DNAJC1: variants seen among roughly 807,000 people sequenced by gnomAD.
DNAJC1 encodes dnaJ homolog subfamily C member 1.
In DNAJC1, 58 loss-of-function variants were observed where a neutral mutation model predicts 76.6. That is an observed-to-expected ratio of 0.76 (90% CI 0.61 to 0.94). DNAJC1 has a LOEUF of 0.94. Among genes scored for constraint, DNAJC1 ranks in the 40% least tolerant of loss-of-function variants. The pLI is 0.00. For missense variants in DNAJC1, 689 were observed against 677.3 expected (o/e 1.02, Z -0.19); for synonymous variants, 258 against 267.9 (o/e 0.96, Z 0.36).
At chr10:21,768,687 T>C (rs894002875) in intron 9 of DNAJC1, among the ~76,000 whole-genome samples, 1 of 152,248 alleles carries the variant, frequency 6.6e-6, no homozygotes, top group Non-Finnish European at 1.5e-5. Flanking sequence ...TCTCTACAGA[T>C]GACCTTGCTT....
intron 1 of DNAJC1, among the ~76,000 whole-genome samples, chr10:21,968,712 G>A (rs765044736): frequency 1.3e-5 from 2 of 151,792 alleles, no homozygotes; most frequent in South Asian, 2.1e-4. Flanking sequence ...GGGTTTCACC[G>A]TGTTAGCCAG....
Position 21,759,403 on chromosome 10 carries a change from C to A in DNAJC1, c.1363G>T (p.Ala455Ser), listed in dbSNP as rs1834214646. The change falls in exon 11 of 12, where the codon GCG becomes TCG. Residue 455 changes from alanine to serine, a missense_variant. Transcript: ENST00000376980. Reference protein sequence around the residue: ...RKPARLLEATAKPEPEEKSRA... With the variant: ...RKPARLLEATSKPEPEEKSRA... ...GACTTCTCCTCTGGCTCCGGCTTCG[C>A]TGTAGCCTCCAGCAGCCTGGCTGGC... The A allele has an allele frequency of 6.2e-7, 1 of 1,614,178 alleles. No homozygotes were observed. Among genetic ancestry groups the A allele is most frequent in the African/African-American group, 1.3e-5 (1 of 75,080 alleles).
chr10:21,781,186 A>C (rs1461778092), intron 9 of DNAJC1, among the ~76,000 whole-genome samples: 2 of 152,296 alleles, frequency 1.3e-5, no homozygotes, highest in Non-Finnish European at 2.9e-5. Context: ...GACAGATCAA[A>C]GAGACAGAAA....
intron 8 of DNAJC1, among the ~76,000 whole-genome samples, chr10:21,841,594 C>T (rs1354383198): frequency 6.6e-6 from 1 of 152,146 alleles, no homozygotes; most frequent in East Asian, 1.9e-4. Flanking sequence ...ATTAAAAAGT[C>T]AGGAAACAAC....
chr10:21,840,405 C>A (rs1835556014), intron 8 of DNAJC1, among the ~76,000 whole-genome samples: 1 of 152,148 alleles, frequency 6.6e-6, no homozygotes, highest in Admixed American at 6.5e-5. Flanking sequence ...TCAGCAAAGT[C>A]TCAGGATACA....
rs372537684 is a variant in DNAJC1 at position 21,782,225 on chromosome 10, G to C, written c.1099-15916C>G. Among the ~76,000 whole-genome samples the C allele has an allele frequency of 3.3e-5, 5 of 152,228 alleles. No homozygotes were observed. In the South Asian group the frequency reaches 6.2e-4, roughly 19 times the overall value. ...AAAGGGGATATCACCACTGATCCCAGAGAAATACTAACTACCATCAGAGAA... is the reference window on the plus strand; with the variant it reads ...AAAGGGGATATCACCACTGATCCCACAGAAATACTAACTACCATCAGAGAA... On this transcript the variant is annotated intron_variant, in intron 9 of 11. Transcript: ENST00000376980.
intron 1 of DNAJC1, among the ~76,000 whole-genome samples, chr10:21,979,466 T>A (rs1220891772): frequency 6.6e-6 from 1 of 152,112 alleles, no homozygotes; most frequent in Non-Finnish European, 1.5e-5. Context: ...ATTGATTTTT[T>A]AAAGTATTAT....
intron 9 of DNAJC1, among the ~76,000 whole-genome samples, chr10:21,779,036 C>T (rs151315762): frequency 0.039 from 5,986 of 152,222 alleles, 397 homozygotes; most frequent in African/African-American, 0.13. Context: ...AAGATGGCAG[C>T]GAGGCTGGGG....
chr10:21,878,731 G>A lies in DNAJC1; in HGVS notation c.978+3551C>T, dbSNP rs559743745. Among the ~76,000 whole-genome samples the A allele has an allele frequency of 1.9e-3, 287 of 152,050 alleles. 2 individuals are homozygous for A. The highest frequency in any genetic ancestry group is 0.01 in the Middle Eastern group (3 of 294). On this transcript the variant is annotated intron_variant, in intron 8 of 11. Coordinates refer to ENST00000376980, the MANE Select transcript of DNAJC1 (RefSeq NM_022365.4). ...AAAATCCACATATAAGTGGACCTAT[G>A]CAGTTTAAACCCATATTTTTCAAGG...
At chr10:21,854,847 A>C (rs533484210) in intron 8 of DNAJC1, among the ~76,000 whole-genome samples, 2 of 152,300 alleles carry the variant, frequency 1.3e-5, no homozygotes, top group South Asian at 2.1e-4. Context: ...TATTGTAGAA[A>C]ATTTCTAAGA....
At chr10:21,827,929 T>C (rs751543295) in intron 8 of DNAJC1, among the ~76,000 whole-genome samples, 10 of 152,234 alleles carry the variant, frequency 6.6e-5, no homozygotes, top group Non-Finnish European at 1.0e-4. Flanking sequence ...TTTGCTTATA[T>C]GTGTGTTTCT....
At chr10:21,963,410 A>C (rs898558003) in intron 1 of DNAJC1, among the ~76,000 whole-genome samples, 1 of 152,232 alleles carries the variant, frequency 6.6e-6, no homozygotes, top group Non-Finnish European at 1.5e-5. Context: ...AGATTATAAA[A>C]AGGCATGAAA....
chr10:21,772,961 G>T (rs571272471), intron 9 of DNAJC1, among the ~76,000 whole-genome samples: 73 of 152,228 alleles, frequency 4.8e-4, no homozygotes, highest in African/African-American at 1.7e-3. Flanking sequence ...AACAGAGAGC[G>T]AGGGGGAAAT....
At chr10:21,836,469 AC>A (rs1403620073) in intron 8 of DNAJC1, among the ~76,000 whole-genome samples, 3 of 152,242 alleles carry the variant, frequency 2.0e-5, no homozygotes, top group African/African-American at 7.2e-5. Context: ...TCTAATTCAC[AC>A]ATAAAAATAT....
At chr10:21,983,758 A>G (rs1838194543) in intron 1 of DNAJC1, among the ~76,000 whole-genome samples, 1 of 151,058 alleles carries the variant, frequency 6.6e-6, no homozygotes, top group Non-Finnish European at 1.5e-5. Context: ...ATGAGAGGTT[A>G]CCAGGAGCTG....
At chr10:21,771,400 T>C (rs940997565) in intron 9 of DNAJC1, among the ~76,000 whole-genome samples, 4 of 152,216 alleles carry the variant, frequency 2.6e-5, no homozygotes, top group African/African-American at 9.6e-5. Flanking sequence ...AAACATGGTG[T>C]TGTGGGTTTT....
intron 8 of DNAJC1, among the ~76,000 whole-genome samples, chr10:21,839,507 T>C (rs184645317): frequency 2.0e-5 from 3 of 152,212 alleles, no homozygotes; most frequent in East Asian, 1.9e-4. Context: ...CTAGAAGAAA[T>C]GGATAAATTC....
intron 8 of DNAJC1, among the ~76,000 whole-genome samples, chr10:21,824,867 G>A (rs538922396): frequency 3.9e-5 from 6 of 152,218 alleles, no homozygotes; most frequent in African/African-American, 1.2e-4. Context: ...TCTGCTTCCT[G>A]GATTCAAGTG....
chr10:21,812,334 G>A (rs956206090), intron 8 of DNAJC1, among the ~76,000 whole-genome samples: 4 of 152,134 alleles, frequency 2.6e-5, no homozygotes, highest in African/African-American at 2.4e-5. Flanking sequence ...TGGGATTACA[G>A]GTGTGAGCCA....
Sources: gnomAD v4.1 joint callset for allele counts (sites outside exome capture counted in the v4.1 genomes callset) on GRCh38, gnomAD v4.1.1 for gene constraint, MANE v1.5 for transcripts, NCBI Gene and HGNC (gene_info 2026-07-23, HGNC 2026-07-21) for gene names.